Variants in KLHL1 observed in about 807,000 individuals in gnomAD.
KLHL1 encodes kelch-like protein 1.
KLHL1 carries 47 observed loss-of-function variants against 77.7 expected under a neutral mutation model. The observed-to-expected ratio is 0.60, with a 90% confidence interval of 0.48 to 0.77. KLHL1 has a LOEUF of 0.77. Ranked by LOEUF, KLHL1 falls within the 30% of genes least tolerant of loss-of-function variation. The probability of loss-of-function intolerance (pLI) is 0.00; values close to 1 mark genes in which losing one functional copy is unlikely to be tolerated. For synonymous variants in KLHL1, 360 were observed against 325.2 expected (o/e 1.11, Z -1.15); for missense variants, 925 against 910.8 (o/e 1.02, Z -0.20).
At chr13:69,729,180 G>C (rs7335446) in intron 8 of KLHL1, among the ~76,000 whole-genome samples, 2 of 151,858 alleles carry the variant, frequency 1.3e-5, no homozygotes, top group Non-Finnish European at 2.9e-5. Flanking sequence ...CACTTTTTTT[G>C]TGTGTGTTTT....
intron 8 of KLHL1, among the ~76,000 whole-genome samples, chr13:69,734,566 G>A (rs957132197): frequency 2.0e-5 from 3 of 152,060 alleles, no homozygotes; most frequent in Non-Finnish European, 2.9e-5. Flanking sequence ...CATAGCCTCC[G>A]TGTATGCTTG....
chr13:70,107,621 G>C lies in KLHL1; in HGVS notation c.79C>G (p.Pro27Ala). The change falls in exon 1 of 11, where the codon CCT becomes GCT. Residue 27 changes from proline (P) to alanine (A), a missense_variant. Transcript: ENST00000377844. ...LRWKLFSHPS[P>A]STGGPAGGGC... ...CCCCCCGCCGGGCCGCCGGTGGAAGGAGACGGGTGGCTGAAGAGTTTCCAG... is the reference window on the plus strand; with the variant it reads ...CCCCCCGCCGGGCCGCCGGTGGAAGCAGACGGGTGGCTGAAGAGTTTCCAG... 6.3e-7 allele frequency: 1 copy of C among 1,579,806 alleles called. No individual in the cohort carries two copies. The highest frequency in any genetic ancestry group is 8.6e-7 in the Non-Finnish European group (1 of 1,165,100).
intron 1 of KLHL1, among the ~76,000 whole-genome samples, chr13:69,988,660 G>T (rs952925688): frequency 6.6e-6 from 1 of 152,160 alleles, no homozygotes; most frequent in South Asian, 2.1e-4. Context: ...CATTCTGACT[G>T]GTGTGAGATA....
chr13:70,093,436 G>C (rs1338695575), intron 1 of KLHL1, among the ~76,000 whole-genome samples: 34 of 152,034 alleles, frequency 2.2e-4, no homozygotes, highest in Non-Finnish European at 2.9e-5. Context: ...TAATAAAATA[G>C]TAATAAAAGA....
chr13:69,824,653 CA>C (rs139324295), intron 6 of KLHL1, among the ~76,000 whole-genome samples: 12,016 of 151,992 alleles, frequency 0.079, 627 homozygotes, highest in Non-Finnish European at 0.12. Flanking sequence ...TAAAAGACTA[CA>C]AAATGTGTGA....
chr13:69,753,907 G>A (rs1421182686), intron 7 of KLHL1, among the ~76,000 whole-genome samples: 1 of 152,092 alleles, frequency 6.6e-6, no homozygotes, highest in Non-Finnish European at 1.5e-5. Context: ...TGCAATCACA[G>A]TTCACTGCAT....
chr13:70,102,094 G>T (rs748096248), intron 1 of KLHL1, among the ~76,000 whole-genome samples: 2 of 152,110 alleles, frequency 1.3e-5, no homozygotes, highest in Non-Finnish European at 2.9e-5. Context: ...TCCTGAGAAA[G>T]TAGTCCTTTA....
At chr13:70,058,575 G>A (rs867533398) in intron 1 of KLHL1, among the ~76,000 whole-genome samples, 8 of 152,138 alleles carry the variant, frequency 5.3e-5, no homozygotes, top group African/African-American at 1.7e-4. Context: ...AATTGAGGAC[G>A]TCCAATATGG....
At chr13:69,991,685 A>G (rs1885032937) in intron 1 of KLHL1, among the ~76,000 whole-genome samples, 1 of 152,020 alleles carries the variant, frequency 6.6e-6, no homozygotes, top group East Asian at 1.9e-4. Context: ...CCAAAAAAAA[A>G]AAGCCTGGGA....
At chr13:69,768,174 T>C (rs888161769) in intron 7 of KLHL1, among the ~76,000 whole-genome samples, 13 of 152,286 alleles carry the variant, frequency 8.5e-5, no homozygotes, top group Admixed American at 2.6e-4. Context: ...CAAGCTTTCT[T>C]TAGCTTACCA....
rs150418314 is a variant in KLHL1, at chr13:69,940,973, G to C, written c.818-737C>G. Among the ~76,000 whole-genome samples the C allele has an allele frequency of 3.2e-4, 49 of 151,830 alleles. No individual in the cohort carries two copies. In the East Asian group the frequency reaches 9.5e-3, roughly 29 times the overall value. ...TAATTAGTAATTCAATGAGTTAGAT[G>C]ATTTTATTATCATTTAGATTTACTA... On this transcript the variant is annotated intron_variant, in intron 3 of 10. Transcript: ENST00000377844.
intron 4 of KLHL1, among the ~76,000 whole-genome samples, chr13:69,897,324 G>GTC (rs1566376510): frequency 6.6e-6 from 1 of 152,106 alleles, no homozygotes; most frequent in African/African-American, 2.4e-5. Context: ...TTGGCAATGT[G>GTC]TCTTAAAATT....
intron 7 of KLHL1, among the ~76,000 whole-genome samples, chr13:69,758,432 TTTCC>T (rs553361697): frequency 6.6e-6 from 1 of 152,222 alleles, no homozygotes; most frequent in South Asian, 2.1e-4. Context: ...TGTACCATTT[TTTCC>T]TTCATTTTGA....
intron 1 of KLHL1, among the ~76,000 whole-genome samples, chr13:70,008,848 T>C (rs555005093): frequency 6.6e-6 from 1 of 152,248 alleles, no homozygotes; most frequent in African/African-American, 2.4e-5. Flanking sequence ...TTAATTTTCA[T>C]TGATTTAGAA....
At chr13:69,784,882 ATTTTTTTT>A (rs775109435) in intron 7 of KLHL1, among the ~76,000 whole-genome samples, 1 of 79,484 alleles carries the variant, frequency 1.3e-5, no homozygotes, top group Non-Finnish European at 2.3e-5. Context: ...CAGAATATAC[ATTTTTTTT>A]TTTTTTTTTT....
intron 1 of KLHL1, among the ~76,000 whole-genome samples, chr13:70,001,700 C>CTATCATA (rs1885297022): frequency 7.8e-6 from 1 of 128,672 alleles, no homozygotes; most frequent in Admixed American, 8.2e-5. Context: ...TATCTATCAT[C>CTATCATA]TTTCTACTAT....
intron 1 of KLHL1, among the ~76,000 whole-genome samples, chr13:70,000,587 G>A (rs954300977): frequency 6.6e-6 from 1 of 151,734 alleles, no homozygotes; most frequent in African/African-American, 2.4e-5. Context: ...ACAAATAAGT[G>A]ACATGAAATA....
chr13:69,922,064 G>A (rs1035830223), intron 4 of KLHL1, among the ~76,000 whole-genome samples: 3 of 151,834 alleles, frequency 2.0e-5, no homozygotes, highest in African/African-American at 7.3e-5. Flanking sequence ...GAGTAGCTGG[G>A]ACTAAACGTG....
At chr13:69,899,971 G>T (rs1881799190) in intron 4 of KLHL1, among the ~76,000 whole-genome samples, 1 of 152,042 alleles carries the variant, frequency 6.6e-6, no homozygotes, top group South Asian at 2.1e-4. Flanking sequence ...TTAAAAATAT[G>T]AGCTTTCCCT....
Sources: allele counts gnomAD v4.1 joint callset (sites outside exome capture counted in the v4.1 genomes callset), GRCh38; gene constraint gnomAD v4.1.1; transcripts MANE v1.5; gene names NCBI Gene and HGNC (gene_info 2026-07-23, HGNC 2026-07-21).